The following IPP variants were observed in gnomAD, a reference collection of about 807,000 sequenced individuals.
The protein encoded by IPP is actin-binding protein IPP.
A neutral mutation model predicts 64.1 loss-of-function variants in IPP; 41 were observed. The ratio of observed to expected loss-of-function variants is 0.64; its 90% CI spans 0.50 to 0.83. The LOEUF is 0.83. Among genes scored for constraint, IPP ranks in the 40% least tolerant of loss-of-function variants. The pLI, the probability that IPP is intolerant of heterozygous loss-of-function variation, is 0.00. For missense variants in IPP, 649 were observed against 703.0 expected, an observed-to-expected ratio of 0.92 and a Z score of 0.87; for synonymous variants, 214 against 235.2, an observed-to-expected ratio of 0.91 and a Z score of 0.83.
rs966049547 is a variant in IPP, at chr1:45,722,266, T to G, written c.1049-2926A>C. On this transcript the variant is annotated intron_variant, in intron 5 of 8. Coordinates refer to ENST00000396478, the MANE Select transcript of IPP (RefSeq NM_005897.3). ...GAGACTCCGTTTCAAAAAATAAAAA[T>G]AAAAATACAGGGTGGTGGCTCACCC... 7.4e-5 allele frequency among the ~76,000 whole-genome samples: 11 copies of G among 148,628 alleles called. 1 individual carries two copies. Among genetic ancestry groups the G allele is most frequent in the South Asian group, 6.4e-4 (3 of 4,684 alleles).
At chr1:45,748,806 C>T (rs1646176154) in intron 1 of IPP, among the ~76,000 whole-genome samples, 1 of 152,012 alleles carries the variant, frequency 6.6e-6, no homozygotes, top group African/African-American at 2.4e-5. Flanking sequence ...CCCATCTCTA[C>T]TAAAAAATAC....
chr1:45,736,378 T>C (rs1645981734), intron 3 of IPP, among the ~76,000 whole-genome samples: 1 of 152,122 alleles, frequency 6.6e-6, no homozygotes, highest in South Asian at 2.1e-4. Flanking sequence ...TATCTAATAA[T>C]ATTAAATTGC....
intron 1 of IPP, among the ~76,000 whole-genome samples, chr1:45,747,855 A>AAAC: frequency 6.7e-6 from 1 of 149,158 alleles, no homozygotes; most frequent in African/African-American, 2.5e-5. Flanking sequence ...AAAAAAAAAA[A>AAAC]AAAAAAAAAA....
At chr1:45,739,014 C>G (rs1388205426) in intron 3 of IPP, among the ~76,000 whole-genome samples, 1 of 152,102 alleles carries the variant, frequency 6.6e-6, no homozygotes, top group African/African-American at 2.4e-5. Context: ...ACTTATACAA[C>G]ATAGCTACTG....
At chr1:45,747,119 AGC>A (rs552812489) in intron 1 of IPP, among the ~76,000 whole-genome samples, 40 of 149,680 alleles carry the variant, frequency 2.7e-4, no homozygotes, top group South Asian at 1.1e-3. Context: ...CGCGCACACG[AGC>A]GCGCGCGCGC....
chr1:45,734,776 C>A lies in IPP; in HGVS notation c.725-5007G>T, dbSNP rs577918930. Among the ~76,000 whole-genome samples, 247 of 151,966 alleles carry A rather than the reference C, an allele frequency of 1.6e-3. 1 individual carries two copies. Among genetic ancestry groups the A allele is most frequent in the African/African-American group, 5.6e-3 (233 of 41,438 alleles). On this transcript the variant is annotated intron_variant, in intron 3 of 8. Coordinates refer to ENST00000396478, the MANE Select transcript of IPP (RefSeq NM_005897.3). ...CTGGGAATACAGACATGCACCACCA[C>A]ACCTGGCTATTTTTTTTTCTTTGAG...
chr1:45,724,832 C>T (rs1052982658), intron 5 of IPP, among the ~76,000 whole-genome samples: 3 of 151,162 alleles, frequency 2.0e-5, no homozygotes, highest in Non-Finnish European at 4.4e-5. Context: ...GCAGCCACCC[C>T]GTCTGGGAAG....
intron 3 of IPP, among the ~76,000 whole-genome samples, chr1:45,738,263 G>A (rs1240950005): frequency 6.6e-6 from 1 of 151,992 alleles, no homozygotes; most frequent in Non-Finnish European, 1.5e-5. Context: ...TCTCATTTCA[G>A]CTCTTATGCT....
intron 8 of IPP, among the ~76,000 whole-genome samples, chr1:45,706,391 G>A (rs890220586): frequency 6.6e-6 from 1 of 152,088 alleles, no homozygotes; most frequent in African/African-American, 2.4e-5. Context: ...ACTTAAGTCC[G>A]GGAGTTTGCG....
At chr1:45,746,564 A>T in intron 1 of IPP, 103 bp from the exon 2 acceptor site, 1 of 580,568 alleles carries the variant, frequency 1.7e-6, no homozygotes, top group South Asian at 2.3e-5. Flanking sequence ...ACTTAAGGAC[A>T]TAAAACAAAT....
chr1:45,702,441 CGTT>C (rs903138720), intron 8 of IPP, among the ~76,000 whole-genome samples: 4 of 151,946 alleles, frequency 2.6e-5, no homozygotes, highest in African/African-American at 2.4e-5. Context: ...AACACATTGT[CGTT>C]GTTGTTGTTG....
At chr1:45,711,676 C>A (rs1645592335) in intron 8 of IPP, among the ~76,000 whole-genome samples, 1 of 151,752 alleles carries the variant, frequency 6.6e-6, no homozygotes, top group Non-Finnish European at 1.5e-5. Flanking sequence ...ATCGCTTGAA[C>A]CCAGGAGACA....
chr1:45,731,772 TA>T (rs1645909178), intron 3 of IPP, among the ~76,000 whole-genome samples: 1 of 151,646 alleles, frequency 6.6e-6, no homozygotes, highest in Non-Finnish European at 1.5e-5. Flanking sequence ...CTATCTCTAC[TA>T]AAAAATACAA....
intron 1 of IPP, among the ~76,000 whole-genome samples, chr1:45,747,599 G>A (rs756565507): frequency 7.9e-5 from 12 of 152,000 alleles, no homozygotes; most frequent in Non-Finnish European, 1.3e-4. Context: ...ATGCTGAGGC[G>A]TGAGGATCAC....
In IPP at chr1:45,733,826, C is replaced by T. The variant is rs180822350; in HGVS notation, c.725-4057G>A. On this transcript the variant is annotated intron_variant, in intron 3 of 8. Coordinates refer to ENST00000396478, the MANE Select transcript of IPP (RefSeq NM_005897.3). ...CAGCCTGGGAGACAGAGTAAGACTC[C>T]GTCTCAAAAAAAAAAAACAGTATTA... is the stretch of plus-strand genomic sequence containing the variant. Among the ~76,000 whole-genome samples, 19 of 149,462 alleles carry T rather than the reference C, an allele frequency of 1.3e-4. 1 individual carries two copies. The highest frequency in any genetic ancestry group is 2.7e-4 in the Admixed American group (4 of 14,990).
intron 4 of IPP, among the ~76,000 whole-genome samples, chr1:45,728,129 T>TGC (rs1297643963): frequency 5.9e-4 from 52 of 87,516 alleles, no homozygotes; most frequent in African/African-American, 3.5e-3. Flanking sequence ...TTGAAAGCTG[T>TGC]GTGTGTGTGT....
chr1:45,729,864 A>T (rs1283650321), intron 3 of IPP, 95 bp from the exon 4 acceptor site: 2 of 733,772 alleles, frequency 2.7e-6, no homozygotes, highest in South Asian at 2.2e-5. Flanking sequence ...TTAACCATCA[A>T]GAAATAAAAA....
At chr1:45,728,126 C>CTGTGCG (rs1553191664) in intron 4 of IPP, among the ~76,000 whole-genome samples, 49 of 132,274 alleles carry the variant, frequency 3.7e-4, no homozygotes, top group African/African-American at 1.3e-3. Flanking sequence ...GAGTTGAAAG[C>CTGTGCG]TGTGTGTGTG....
rs1308431365 is a variant in IPP, at chr1:45,698,722, T to TTTC, written c.*1243_*1244insGAA. The stretch of plus-strand genomic sequence containing the variant: ...AAAAGGAAGAATTTTTTTTTCTTTT[T>TTTC]TTTTTTTTTTTTTTGAGACAGGTTC... On this transcript the variant is annotated 3_prime_UTR_variant, in exon 9 of 9. Coordinates refer to ENST00000396478, the MANE Select transcript of IPP (RefSeq NM_005897.3). The TTTC allele has an allele frequency of 6.1e-3, 1,717 of 283,786 alleles. 5 individuals are homozygous for TTTC. The highest frequency in any genetic ancestry group is 0.042 in the East Asian group (151 of 3,624). The allele number at this position is 283,786 out of a possible 1,614,324, so 17.6% of individuals were successfully genotyped here.
Sources: allele counts gnomAD v4.1 joint callset (sites outside exome capture counted in the v4.1 genomes callset), GRCh38; gene constraint gnomAD v4.1.1; transcripts MANE v1.5; gene names NCBI Gene and HGNC (gene_info 2026-07-23, HGNC 2026-07-21).